Variants in ASIC2 observed in about 807,000 individuals in gnomAD.
The protein encoded by ASIC2 is acid sensing ion channel subunit 2, also known as acid-sensing ion channel 2.
Under a neutral mutation model 57.3 loss-of-function variants are expected in ASIC2, and 25 were observed. The observed-to-expected ratio is 0.44, with a 90% CI of 0.32 to 0.61. The LOEUF (loss-of-function observed/expected upper bound fraction) is 0.61, where lower values mean the gene tolerates loss of function less well. Among genes scored for constraint, ASIC2 ranks in the 20% least tolerant of loss-of-function variants. The pLI, the probability that ASIC2 is intolerant of heterozygous loss-of-function variation, is 0.06. For missense variants in ASIC2, 641 were observed against 738.1 expected (o/e 0.87, Z 1.52); for synonymous variants, 319 against 307.5 (o/e 1.04, Z -0.39).
At chr17:33,215,059 G>A (rs1014174312) in intron 1 of ASIC2, among the ~76,000 whole-genome samples, 1 of 152,114 alleles carries the variant, frequency 6.6e-6, no homozygotes, top group Non-Finnish European at 1.5e-5. Context: ...TCACAAATGA[G>A]GAAATACACC....
chr17:33,600,416 G>A (rs1384538389), intron 1 of ASIC2, among the ~76,000 whole-genome samples: 2 of 152,184 alleles, frequency 1.3e-5, no homozygotes, highest in Non-Finnish European at 2.9e-5. Context: ...TACCTGGTCT[G>A]TGGCATTCTG....
At chr17:33,751,205 A>G (rs1163749347) in intron 1 of ASIC2, among the ~76,000 whole-genome samples, 1 of 152,206 alleles carries the variant, frequency 6.6e-6, no homozygotes. Flanking sequence ...TTACAGCCCT[A>G]TCATTAATCA....
chr17:33,331,127 T>G (rs1907296623), intron 1 of ASIC2, among the ~76,000 whole-genome samples: 1 of 152,166 alleles, frequency 6.6e-6, no homozygotes, highest in South Asian at 2.1e-4. Context: ...TATTGTGAAC[T>G]GCACATTTGA....
At chr17:33,376,742 T>C (rs1354875020) in intron 1 of ASIC2, among the ~76,000 whole-genome samples, 1 of 152,188 alleles carries the variant, frequency 6.6e-6, no homozygotes, top group African/African-American at 2.4e-5. Context: ...ATCTGAGCAA[T>C]TATCCTTCTC....
In ASIC2 at chr17:34,113,443, C is replaced by G. The variant is rs34273169; in HGVS notation, c.555+42535G>C. Among the ~76,000 whole-genome samples, 939 of 152,052 alleles carry G rather than the reference C, an allele frequency of 6.2e-3. 15 individuals are homozygous for G. The highest frequency in any genetic ancestry group is 0.022 in the African/African-American group (900 of 41,432). On this transcript the variant is annotated intron_variant, in intron 1 of 9. Coordinates refer to the ASIC2 transcript ENST00000359872. ...GGGCATGGTGGTGCACACCTGTAGT[C>G]CCAGTTTCTTAGGAGGCTGAGGTGG... is the stretch of plus-strand genomic sequence containing the variant.
rs373873647 is a variant in ASIC2 at position 33,304,267 on chromosome 17, A to T, written c.556-192200T>A. On this transcript the variant is annotated intron_variant, in intron 1 of 9. Transcript: ENST00000359872. Reference sequence around the variant, plus strand: ...CCAAGCACATCACAACTTCAGTGAAACATTTCTTTGAACATGAACAATGGT... The same window carrying T: ...CCAAGCACATCACAACTTCAGTGAATCATTTCTTTGAACATGAACAATGGT... Among the ~76,000 whole-genome samples, 37 of 152,360 alleles carry T rather than the reference A, an allele frequency of 2.4e-4. 1 individual carries two copies. The highest frequency in any genetic ancestry group is 8.9e-4 in the African/African-American group (37 of 41,586).
intron 1 of ASIC2, among the ~76,000 whole-genome samples, chr17:33,130,830 G>C (rs1324248544): frequency 6.6e-6 from 1 of 152,208 alleles, no homozygotes; most frequent in African/African-American, 2.4e-5. Flanking sequence ...TAAGCCTGCG[G>C]AGAGGGGAGT....
chr17:33,744,771 C>T (rs924245988), intron 1 of ASIC2, among the ~76,000 whole-genome samples: 5 of 152,122 alleles, frequency 3.3e-5, no homozygotes, highest in East Asian at 1.9e-4. Context: ...ATTATACATA[C>T]GTTCAAATAA....
At chr17:34,001,021 A>G (rs532622121) in intron 1 of ASIC2, 1 of 152,190 alleles carries the variant, frequency 6.6e-6, no homozygotes, top group South Asian at 2.1e-4. Context: ...CTTATACTTC[A>G]CTAAGCTTCT....
At chr17:33,081,577 G>T (rs777724330) in intron 3 of ASIC2, among the ~76,000 whole-genome samples, 1 of 152,026 alleles carries the variant, frequency 6.6e-6, no homozygotes, top group Non-Finnish European at 1.5e-5. Context: ...AAAACCAACT[G>T]GGCAAGCTTC....
intron 1 of ASIC2, among the ~76,000 whole-genome samples, chr17:33,881,364 A>C (rs1181949661): frequency 6.6e-6 from 1 of 152,214 alleles, no homozygotes; most frequent in South Asian, 2.1e-4. Flanking sequence ...AGAAAACCCC[A>C]TCGTCTCAGC....
intron 1 of ASIC2, among the ~76,000 whole-genome samples, chr17:34,133,689 TA>T (rs374170858): frequency 1.7e-3 from 259 of 152,346 alleles, no homozygotes; most frequent in African/African-American, 5.9e-3. Context: ...CTGTGTCTGC[TA>T]AGGGCCACCT....
intron 1 of ASIC2, among the ~76,000 whole-genome samples, chr17:33,399,657 G>A (rs1320001263): frequency 6.6e-6 from 1 of 152,282 alleles, no homozygotes; most frequent in East Asian, 1.9e-4. Context: ...TCACAGTTTT[G>A]TGATGCCCCT....
chr17:34,075,130 C>T lies in ASIC2; in HGVS notation c.555+80848G>A, dbSNP rs112975077. On this transcript the variant is annotated intron_variant, in intron 1 of 9. Transcript: ENST00000359872. ...GGAAGAAGCTGCTCTGGGAATGGACCATGTGCTTGTGAGAGAGGAGAAGTC... is the reference window on the plus strand; with the variant it reads ...GGAAGAAGCTGCTCTGGGAATGGACTATGTGCTTGTGAGAGAGGAGAAGTC... Among the ~76,000 whole-genome samples, 351 of 152,168 alleles carry T rather than the reference C, an allele frequency of 2.3e-3. 5 individuals carry two copies. The highest frequency in any genetic ancestry group is 7.6e-3 in the African/African-American group (316 of 41,498).
chr17:33,013,719 G>A lies in ASIC2; in HGVS notation c.*246C>T. ...CATCTGGCAGTGAGATGTGATGGCA[G>A]GTTCGTTCTTGGACAGTTCCAGAGT... On this transcript the variant is annotated 3_prime_UTR_variant, in exon 10 of 10. Transcript: ENST00000225823. 1 of 528,516 alleles carries A rather than the reference G, an allele frequency of 1.9e-6. No homozygotes were observed. The highest frequency in any genetic ancestry group is 3.4e-6 in the Non-Finnish European group (1 of 294,088). The allele number at this position is 528,516 out of a possible 1,614,324, so 32.7% of individuals were successfully genotyped here. A position where few individuals can be genotyped will look rare whatever the true frequency, so the allele number is the denominator to read the frequency against.
intron 1 of ASIC2, among the ~76,000 whole-genome samples, chr17:33,114,275 A>G (rs755100359): frequency 8.5e-5 from 13 of 152,234 alleles, no homozygotes; most frequent in Non-Finnish European, 1.9e-4. Context: ...GCATATAGCA[A>G]TTGAACTTGG....
intron 1 of ASIC2, among the ~76,000 whole-genome samples, chr17:33,546,548 G>A (rs1915584908): frequency 6.6e-6 from 1 of 152,108 alleles, no homozygotes; most frequent in Non-Finnish European, 1.5e-5. Flanking sequence ...GCGACCTTGG[G>A]CACATAATGT....
intron 1 of ASIC2, among the ~76,000 whole-genome samples, chr17:33,752,194 C>T (rs971931040): frequency 2.6e-5 from 4 of 151,860 alleles, no homozygotes; most frequent in African/African-American, 7.3e-5. Context: ...CTCTGAGAGT[C>T]GGCCCTTTCA....
At chr17:33,815,367 T>C (rs1912545380) in intron 1 of ASIC2, among the ~76,000 whole-genome samples, 1 of 152,208 alleles carries the variant, frequency 6.6e-6, no homozygotes. Context: ...CTGAATATCA[T>C]GTTGTCCCCT....
Sources: allele counts gnomAD v4.1 joint callset (sites outside exome capture counted in the v4.1 genomes callset), GRCh38; gene constraint gnomAD v4.1.1; transcripts MANE v1.5; gene names NCBI Gene and HGNC (gene_info 2026-07-23, HGNC 2026-07-21).